TEKT5: variants seen among roughly 807,000 people sequenced by gnomAD.
TEKT5 encodes tektin-5.
TEKT5 carries 52 observed loss-of-function variants against 48.7 expected under a neutral mutation model. The ratio of observed to expected loss-of-function variants is 1.07; its 90% CI spans 0.86 to 1.35. The LOEUF is 1.35. Among genes scored for constraint, TEKT5 ranks in the 40% most tolerant of loss-of-function variants. The pLI is 0.00. For missense variants in TEKT5, 831 were observed against 641.6 expected (o/e 1.30, Z -3.19); for synonymous variants, 318 against 267.6 (o/e 1.19, Z -1.84).
At chr16:10,641,729 G>A (rs971843920) in intron 5 of TEKT5, among the ~76,000 whole-genome samples, 1 of 152,194 alleles carries the variant, frequency 6.6e-6, no homozygotes, top group African/African-American at 2.4e-5. Context: ...GGCTGAGGCA[G>A]GAGCATCACC....
At chr16:10,654,097 A>C (rs12149568) in intron 5 of TEKT5, among the ~76,000 whole-genome samples, 89,743 of 151,754 alleles carry the variant, frequency 0.59, 27,454 homozygotes, top group African/African-American at 0.76. Context: ...GTTGTCCAGG[A>C]TGAACTGCAG....
intron 4 of TEKT5, among the ~76,000 whole-genome samples, chr16:10,681,251 G>C (rs1898742824): frequency 6.6e-6 from 1 of 152,078 alleles, no homozygotes; most frequent in Admixed American, 6.6e-5. Flanking sequence ...CCTGGGAAGT[G>C]GGTACTTAAT....
At chr16:10,632,019 G>A (rs975651631) in intron 6 of TEKT5, among the ~76,000 whole-genome samples, 4 of 152,124 alleles carry the variant, frequency 2.6e-5, no homozygotes, top group African/African-American at 9.6e-5. Context: ...CCTCTGGGGA[G>A]AAGAGACAGT....
chr16:10,661,325 C>G (rs1232120111), intron 5 of TEKT5, among the ~76,000 whole-genome samples: 1 of 152,162 alleles, frequency 6.6e-6, no homozygotes, highest in East Asian at 1.9e-4. Flanking sequence ...AGAACAATTT[C>G]TGCAGCACCT....
chr16:10,660,749 G>A (rs1387242584), intron 5 of TEKT5, among the ~76,000 whole-genome samples: 4 of 151,820 alleles, frequency 2.6e-5, no homozygotes, highest in African/African-American at 7.3e-5. Flanking sequence ...TGCCCAGGCT[G>A]GAGTGCAGTG....
intron 5 of TEKT5, among the ~76,000 whole-genome samples, chr16:10,640,655 CATAG>C (rs1897980769): frequency 6.6e-6 from 1 of 152,162 alleles, no homozygotes; most frequent in Non-Finnish European, 1.5e-5. Context: ...AACCACTGAT[CATAG>C]ATAAACACTT....
intron 5 of TEKT5, among the ~76,000 whole-genome samples, chr16:10,648,482 G>A (rs2541545): frequency 0.085 from 12,877 of 152,020 alleles, 585 homozygotes; most frequent in African/African-American, 0.099. Flanking sequence ...ACATCTGGCT[G>A]ATTTTTGTAT....
intron 5 of TEKT5, among the ~76,000 whole-genome samples, chr16:10,636,687 A>ATACG (rs1413393824): frequency 9.7e-6 from 1 of 103,250 alleles, no homozygotes; most frequent in African/African-American, 4.0e-5. Flanking sequence ...ATATACATAC[A>ATACG]TACGTGTGTG....
In TEKT5 at chr16:10,681,970, G is replaced by T. The variant is rs376496290; in HGVS notation, c.863+23C>A. On this transcript the variant is annotated intron_variant, in intron 4 of 6. Coordinates refer to ENST00000283025, the MANE Select transcript of TEKT5 (RefSeq NM_144674.2). The stretch of plus-strand genomic sequence containing the variant: ...ACTCCAGTTGGACACGCCAGGGATG[G>T]GGAGGGGGAGTCTGATACTTACGTG... 23 of 1,611,614 alleles carry T rather than the reference G, an allele frequency of 1.4e-5. No individual in the cohort carries two copies. The African/African-American group carries it at 3.1e-4, about 22-fold the overall frequency.
intron 5 of TEKT5, among the ~76,000 whole-genome samples, chr16:10,666,978 CTTTTTTTT>C (rs201657619): frequency 0.02 from 2,523 of 124,676 alleles, 72 homozygotes; most frequent in African/African-American, 0.07. Context: ...TGGCTCCTTA[CTTTTTTTT>C]TTTTTTTTTT....
At chr16:10,677,558 G>A (rs1041644999) in intron 4 of TEKT5, among the ~76,000 whole-genome samples, 9 of 143,912 alleles carry the variant, frequency 6.3e-5, no homozygotes, top group Middle Eastern at 3.8e-3. Flanking sequence ...GCAGCGAGCC[G>A]AGATCACGCT....
rs371584329 is a variant in TEKT5 at position 10,676,818 on chromosome 16, G to A, written c.864-637C>T. On this transcript the variant is annotated intron_variant, in intron 4 of 6. Coordinates refer to ENST00000283025, the MANE Select transcript of TEKT5 (RefSeq NM_144674.2). ...ACGGCAACATCCGTGTCCTCATGGC[G>A]GTTAAGTGCCAGAGGAGGGAGATTG... is the stretch of plus-strand genomic sequence containing the variant. Among the ~76,000 whole-genome samples the A allele has an allele frequency of 2.2e-4, 33 of 152,356 alleles. No individual in the cohort carries two copies. The East Asian group carries it at 3.3e-3, about 15-fold the overall frequency.
At position 10,635,885 on chromosome 16, in the gene TEKT5, T is replaced by C. The variant is rs758867143; in HGVS notation, c.1120A>G (p.Ile374Val). 1 of 1,614,078 alleles carries C rather than the reference T, an allele frequency of 6.2e-7. No homozygotes were observed. The highest frequency in any genetic ancestry group is 8.5e-7 in the Non-Finnish European group (1 of 1,180,032). The change falls in exon 6 of 7, where the codon ATC (isoleucine) becomes GTC (valine). Residue 374 changes from isoleucine (I) to valine (V), a missense_variant. Ile to Val is a conservative substitution (Grantham distance 29). Coordinates refer to ENST00000283025, the MANE Select transcript of TEKT5 (RefSeq NM_144674.2). Reference protein sequence around the residue: ...LQEIFQAENTIMLLERSIMAK... With the variant: ...LQEIFQAENTVMLLERSIMAK... ...ATGATGGACCTTTCCAGCAGCATGA[T>C]GGTGTTCTCGGCCTGGAAGATCTCC...
rs138806483 is a variant in TEKT5, at chr16:10,645,058, G to A, written c.1087-9140C>T. Among the ~76,000 whole-genome samples, 1,155 of 152,294 alleles carry A rather than the reference G, an allele frequency of 7.6e-3. 22 individuals are homozygous for A. Among genetic ancestry groups the A allele is most frequent in the African/African-American group, 0.023 (964 of 41,570 alleles). On this transcript the variant is annotated intron_variant, in intron 5 of 6. Transcript: ENST00000283025. ...AGGGCCCTCACCAGAACCCGATCAT[G>A]CTGGCACCCTGACCTTGGACTTTTA...
chr16:10,666,978 CT>C lies in TEKT5; in HGVS notation c.1086+8980del, dbSNP rs201657619. On this transcript the variant is annotated intron_variant, in intron 5 of 6. Transcript: ENST00000283025. ...CATTCAGCCTAACACTGGCTCCTTA[CT>C]TTTTTTTTTTTTTTTTTTTTTTGAG... is the stretch of plus-strand genomic sequence containing the variant. Among the ~76,000 whole-genome samples the C allele has an allele frequency of 6.8e-3, 853 of 124,604 alleles. 2 individuals are homozygous for C. Among genetic ancestry groups the C allele is most frequent in the Admixed American group, 0.011 (138 of 12,094 alleles). The allele number at this position is 124,604 out of a possible 152,430, so 81.7% of individuals were successfully genotyped here.
Position 10,694,820 on chromosome 16 carries a change from G to C in TEKT5, c.54C>G (p.Cys18Trp), listed in dbSNP as rs758864029. 1.2e-6 allele frequency: 2 copies of C among 1,605,502 alleles called. No individual in the cohort carries two copies. Among genetic ancestry groups the C allele is most frequent in the Non-Finnish European group, 1.7e-6 (2 of 1,176,208 alleles). The change falls in exon 1 of 7, where the codon TGC becomes TGG. Residue 18 changes from cysteine (C) to tryptophan (W), a missense_variant. Cys to Trp is a radical substitution (Grantham distance 215). Transcript: ENST00000283025. ...QTASYCGPKKCCGLTSLPAVQ... is the reference protein window; with the variant it reads ...QTASYCGPKKWCGLTSLPAVQ... ...CAGCTGGCAGTGAGGTCAAGCCACA[G>C]CATTTCTTGGGACCACAGTAACTGG... is the stretch of plus-strand genomic sequence containing the variant.
At chr16:10,664,393 A>G (rs1321393887) in intron 5 of TEKT5, among the ~76,000 whole-genome samples, 1 of 152,252 alleles carries the variant, frequency 6.6e-6, no homozygotes. Flanking sequence ...TTTCTGATTC[A>G]GTGGGTCCTG....
chr16:10,689,231 TAA>T lies in TEKT5; in HGVS notation c.719+20_719+21del, dbSNP rs77020408. 6.5e-3 allele frequency: 8,686 copies of T among 1,340,754 alleles called. 7 individuals are homozygous for T. The highest frequency in any genetic ancestry group is 7.8e-3 in the Admixed American group (370 of 47,638). 83.1% of individuals were successfully genotyped at this position (1,340,754 alleles called of 1,614,324 possible). Reference sequence around the variant, plus strand: ...AAAACAAACCCCAAGGAGAGGGAATTAAAAAAAAAAAAAGCCCTTACCGCATC... The same window carrying T: ...AAAACAAACCCCAAGGAGAGGGAATTAAAAAAAAAAAGCCCTTACCGCATC... On this transcript the variant is annotated intron_variant, in intron 3 of 6. Coordinates refer to ENST00000283025, the MANE Select transcript of TEKT5 (RefSeq NM_144674.2).
At chr16:10,642,204 G>A (rs1898004851) in intron 5 of TEKT5, among the ~76,000 whole-genome samples, 1 of 152,142 alleles carries the variant, frequency 6.6e-6, no homozygotes, top group South Asian at 2.1e-4. Context: ...GCCCTCCCAG[G>A]GTTAGCCAGT....
Sources: allele counts gnomAD v4.1 joint callset (sites outside exome capture counted in the v4.1 genomes callset), GRCh38; gene constraint gnomAD v4.1.1; transcripts MANE v1.5; gene names NCBI Gene and HGNC (gene_info 2026-07-23, HGNC 2026-07-21).